The following ADGRG3 variants were observed in gnomAD, a reference collection of about 807,000 sequenced individuals.
ADGRG3 encodes the protein adhesion G protein-coupled receptor G3.
Under a neutral mutation model 54.3 loss-of-function variants are expected in ADGRG3, and 39 were observed. The ratio of observed to expected loss-of-function variants is 0.72; its 90% CI spans 0.56 to 0.94. The LOEUF is 0.94. ADGRG3 is among the 40% of genes least tolerant of loss of function. The probability of loss-of-function intolerance (pLI) is 0.00; values close to 1 mark genes in which losing one functional copy is unlikely to be tolerated. For missense variants in ADGRG3, 654 were observed against 694.6 expected (o/e 0.94, Z 0.66); for synonymous variants, 312 against 290.0 (o/e 1.08, Z -0.77).
Position 57,680,458 on chromosome 16 carries a change from G to A in ADGRG3, c.769-47G>A, listed in dbSNP as rs371289270. Reference sequence around the variant, plus strand: ...CTGCCTGGTGGTCTTTGGGTATATGGGCCTGGCCTCCAACTGACGTGGTCC... The same window carrying A: ...CTGCCTGGTGGTCTTTGGGTATATGAGCCTGGCCTCCAACTGACGTGGTCC... On this transcript the variant is annotated intron_variant, in intron 7 of 11. Transcript: ENST00000333493. 5.7e-6 allele frequency: 9 copies of A among 1,577,484 alleles called. No homozygotes were observed. The African/African-American group carries it at 8.1e-5, about 14-fold the overall frequency.
At chr16:57,687,221 T>C (rs2048489392) in intron 11 of ADGRG3, among the ~76,000 whole-genome samples, 1 of 151,402 alleles carries the variant, frequency 6.6e-6, no homozygotes, top group African/African-American at 2.4e-5. Flanking sequence ...CATCGCGAAA[T>C]TGGGATAATC....
chr16:57,679,285 GT>G lies in ADGRG3; in HGVS notation c.602del (p.Val201AlafsTer11). The G allele has an allele frequency of 6.2e-7, 1 of 1,613,932 alleles. No individual in the cohort carries two copies. The highest frequency in any genetic ancestry group is 1.3e-5 in the African/African-American group (1 of 75,002). On this transcript the variant is annotated frameshift_variant, in exon 5 of 12. Transcript: ENST00000333493. LOFTEE classifies it high-confidence loss of function. ...VTKLAEPLEI[V>X]FSHQRPPPNM... The stretch of plus-strand genomic sequence containing the variant: ...CAAGCTGGCTGAGCCTCTGGAGATC[GT>G]CTTCTCTCACCAGCGACCGCCCCCT...
intron 11 of ADGRG3, among the ~76,000 whole-genome samples, chr16:57,687,435 A>T (rs1177416113): frequency 6.6e-6 from 1 of 152,154 alleles, no homozygotes; most frequent in Admixed American, 6.5e-5. Flanking sequence ...AATTTTTAGT[A>T]GAAATGGGGT....
chr16:57,677,378 T>C (rs1187373741), intron 3 of ADGRG3, among the ~76,000 whole-genome samples: 1 of 151,932 alleles, frequency 6.6e-6, no homozygotes, highest in Non-Finnish European at 1.5e-5. Context: ...AGGTCAGGAG[T>C]TCGAAACCAG....
At chr16:57,679,718 C>T (rs1286051977) in intron 5 of ADGRG3, 98 bp from the exon 6 acceptor site, 13 of 940,958 alleles carry the variant, frequency 1.4e-5, no homozygotes, top group Non-Finnish European at 2.3e-5. Context: ...AATGCACACT[C>T]ACACTAGGAC....
chr16:57,675,886 G>A (rs780504218), intron 2 of ADGRG3, among the ~76,000 whole-genome samples: 39 of 152,146 alleles, frequency 2.6e-4, no homozygotes, highest in South Asian at 8.3e-4. Context: ...GTAGTGTGAC[G>A]GTTGCACAAC....
intron 11 of ADGRG3, among the ~76,000 whole-genome samples, chr16:57,687,652 G>A (rs2048498967): frequency 6.6e-6 from 1 of 152,362 alleles, no homozygotes; most frequent in South Asian, 2.1e-4. Flanking sequence ...ATGACTGTAA[G>A]GCCATCTGAG....
intron 8 of ADGRG3, among the ~76,000 whole-genome samples, chr16:57,683,308 G>A (rs117483346): frequency 5.3e-5 from 8 of 152,274 alleles, no homozygotes; most frequent in African/African-American, 1.2e-4. Flanking sequence ...GCCCGTGTAC[G>A]TTTGTGTGTC....
intron 3 of ADGRG3, among the ~76,000 whole-genome samples, chr16:57,677,504 C>G (rs1480281368): frequency 6.6e-6 from 1 of 152,152 alleles, no homozygotes; most frequent in African/African-American, 2.4e-5. Context: ...ATCGCTTGAA[C>G]CTGGGAGGCG....
intron 8 of ADGRG3, 52 bp downstream of exon 8, chr16:57,680,669 C>T: frequency 6.4e-6 from 8 of 1,255,114 alleles, no homozygotes; most frequent in Non-Finnish European, 9.3e-6. Context: ...TCAAGGGAGG[C>T]AGCAGGGCAG....
chr16:57,681,377 CGCGCGT>C (rs369016951), intron 8 of ADGRG3, among the ~76,000 whole-genome samples: 30,936 of 116,590 alleles, frequency 0.27, 3,267 homozygotes, highest in Admixed American at 0.29. Flanking sequence ...TGTGTGTGTG[CGCGCGT>C]GCGTGCGCGC....
Position 57,680,608 on chromosome 16 carries a change from C to G in ADGRG3, c.872C>G (p.Ala291Gly), listed in dbSNP as rs1200325338. 1.2e-6 allele frequency: 2 copies of G among 1,609,390 alleles called. No individual in the cohort carries two copies. The highest frequency in any genetic ancestry group is 1.3e-5 in the African/African-American group (1 of 74,782). Residue 291 changes from alanine to glycine, a missense_variant, in exon 8 of 12, where the codon GCC (alanine) becomes GGC (glycine). By Grantham distance (60) the Ala-to-Gly change is moderately conservative. Transcript: ENST00000333493. Reference sequence around the variant, plus strand: ...CTGGCCTTCACCATTATTCTTTATGCCTTTCTGAGGTGAGTGATCCCCACC... The same window carrying G: ...CTGGCCTTCACCATTATTCTTTATGGCTTTCTGAGGTGAGTGATCCCCACC... Reference protein sequence around the residue: ...IFLAFTIILYAFLRLSRERFK... With the variant: ...IFLAFTIILYGFLRLSRERFK...
chr16:57,685,694 C>T lies in ADGRG3; in HGVS notation c.1308C>T (p.His436=), dbSNP rs756811215. The T allele has an allele frequency of 1.4e-5, 22 of 1,614,086 alleles. No homozygotes were observed. The highest frequency in any genetic ancestry group is 7.7e-5 in the South Asian group (7 of 91,096). The change falls in exon 11 of 12, where the codon CAC becomes CAT. Residue 436 remains histidine (H), a synonymous_variant. Transcript: ENST00000333493. ...TTMYALYITV[H]GYFLITFLFG... is the part of the protein sequence containing the mutation. ...TGTACGCCCTCTATATCACCGTCCA[C>T]GGCTACTTCCTCATCACCTTCCTCT...
intron 10 of ADGRG3, 72 bp downstream of exon 10, chr16:57,684,555 G>A: frequency 9.3e-7 from 1 of 1,079,738 alleles, no homozygotes; most frequent in Non-Finnish European, 1.4e-6. Flanking sequence ...GAGAGAGGTG[G>A]GGAGAGGAGG....
chr16:57,678,521 C>T (rs140367890), intron 4 of ADGRG3: 49 of 587,466 alleles, frequency 8.3e-5, no homozygotes, highest in Non-Finnish European at 1.4e-4. Flanking sequence ...GTCACACGCT[C>T]TCAGATGTTT....
At chr16:57,670,728 A>G (rs1246440863) in intron 1 of ADGRG3, among the ~76,000 whole-genome samples, 5 of 152,200 alleles carry the variant, frequency 3.3e-5, no homozygotes, top group African/African-American at 1.2e-4. Flanking sequence ...ATTATCACAT[A>G]TAGAGTCCAT....
At chr16:57,671,600 G>A (rs978289392) in intron 1 of ADGRG3, among the ~76,000 whole-genome samples, 1 of 152,110 alleles carries the variant, frequency 6.6e-6, no homozygotes, top group Admixed American at 6.5e-5. Context: ...CTCCCAAAGT[G>A]CTGGGATTAT....
chr16:57,682,797 C>A lies in ADGRG3; in HGVS notation c.882-1135C>A, dbSNP rs369952776. ...GAGTCTGGAGCCCAGGGTTGGAGCC[C>A]CTGCCCTGCTCTGTGACCCCATAAG... On this transcript the variant is annotated intron_variant, in intron 8 of 11. Coordinates refer to ENST00000333493, the MANE Select transcript of ADGRG3 (RefSeq NM_170776.5). Among the ~76,000 whole-genome samples the A allele has an allele frequency of 1.3e-4, 20 of 152,094 alleles. No individual in the cohort carries two copies. The East Asian group carries it at 3.7e-3, about 28-fold the overall frequency.
intron 8 of ADGRG3, among the ~76,000 whole-genome samples, chr16:57,681,361 TGTGTG>T: frequency 8.5e-6 from 1 of 117,224 alleles, no homozygotes; most frequent in Non-Finnish European, 1.7e-5. Flanking sequence ...TGTGTGTGTG[TGTGTG>T]TGTGTGTGTG....
Sources: gnomAD v4.1 joint callset for allele counts (sites outside exome capture counted in the v4.1 genomes callset) on GRCh38, gnomAD v4.1.1 for gene constraint, MANE v1.5 for transcripts, NCBI Gene and HGNC (gene_info 2026-07-23, HGNC 2026-07-21) for gene names.